The following CFHR4 variants were observed in gnomAD, a reference collection of about 807,000 sequenced individuals.
The protein encoded by CFHR4 is complement factor H related 4, also known as complement factor H-related protein 4.
CFHR4 carries 64 observed loss-of-function variants against 69.3 expected under a neutral mutation model. The observed-to-expected ratio is 0.92, with a 90% confidence interval of 0.76 to 1.14. CFHR4 has a LOEUF of 1.14. CFHR4 is among the 50% of genes most tolerant of loss of function. The pLI is 0.00. For synonymous variants in CFHR4, 244 were observed against 237.0 expected, an observed-to-expected ratio of 1.03 and a Z score of -0.27; for missense variants, 636 against 684.9, an observed-to-expected ratio of 0.93 and a Z score of 0.80.
rs188816076 is a variant in CFHR4, at chr1:196,894,017, G to A, written c.58+5809G>A. Among the ~76,000 whole-genome samples the A allele has an allele frequency of 2.6e-4, 39 of 151,502 alleles. No homozygotes were observed. In the East Asian group the frequency reaches 4.8e-3, roughly 19 times the overall value. On this transcript the variant is annotated intron_variant, in intron 1 of 9. Transcript: ENST00000608469. ...TCCAATGGTTTCTTAAAATTCCTCC[G>A]AAGCTGAATATTAACTCTCATTTAC... is the stretch of plus-strand genomic sequence containing the variant.
chr1:196,910,554 C>A, intron 6 of CFHR4, 76 bp downstream of exon 6: 1 of 1,238,392 alleles, frequency 8.1e-7, no homozygotes, highest in Non-Finnish European at 1.2e-6. Context: ...CAAATGATTA[C>A]ATTGTCTTAT....
intron 2 of CFHR4, among the ~76,000 whole-genome samples, chr1:196,904,819 T>C (rs1227545559): frequency 6.6e-6 from 1 of 151,626 alleles, no homozygotes; most frequent in African/African-American, 2.4e-5. Context: ...CCAGAAACTC[T>C]TCCAAATAAT....
chr1:196,899,376 C>A (rs142290589), intron 1 of CFHR4, among the ~76,000 whole-genome samples: 9 of 151,654 alleles, frequency 5.9e-5, no homozygotes, highest in South Asian at 2.1e-4. Flanking sequence ...TCGCTGCAAT[C>A]TTGACCTCCT....
intron 2 of CFHR4, among the ~76,000 whole-genome samples, chr1:196,904,689 T>C (rs1657812570): frequency 6.6e-6 from 1 of 151,584 alleles, no homozygotes; most frequent in Non-Finnish European, 1.5e-5. Flanking sequence ...GATTTACAAA[T>C]TTATTTCCTT....
At chr1:196,914,471 A>G in intron 7 of CFHR4, 24 bp from the exon 8 acceptor site, 1 of 1,598,010 alleles carries the variant, frequency 6.3e-7, no homozygotes, top group South Asian at 1.1e-5. Context: ...TAGAAAAGCA[A>G]TCCTCAATTT....
chr1:196,899,320 G>A (rs1657472315), intron 1 of CFHR4, among the ~76,000 whole-genome samples: 1 of 151,312 alleles, frequency 6.6e-6, no homozygotes, highest in Non-Finnish European at 1.5e-5. Flanking sequence ...TTTAAAACAA[G>A]GTCTTCCTCT....
intron 6 of CFHR4, among the ~76,000 whole-genome samples, chr1:196,912,470 G>T (rs1853883): frequency 6.6e-6 from 1 of 150,728 alleles, no homozygotes; most frequent in Non-Finnish European, 1.5e-5. Flanking sequence ...TCTGCTAGAT[G>T]TGCATTCCTT....
In CFHR4 at chr1:196,910,336, T is replaced by C; in HGVS notation, c.855T>C (p.Asn285=). 6.2e-7 allele frequency: 1 copy of C among 1,611,260 alleles called. No homozygotes were observed. The change falls in exon 6 of 10, where the codon AAT becomes AAC. Residue 285 remains asparagine (N), a synonymous_variant. Transcript: ENST00000608469. ...AACATGGACATCTATATTATGAGAA[T>C]ACGCGTAGACCATACTTTCCAGTAG... ...EIQHGHLYYE[N]TRRPYFPVAT...
At chr1:196,917,528 A>T (rs895578442) in intron 9 of CFHR4, among the ~76,000 whole-genome samples, 7 of 151,768 alleles carry the variant, frequency 4.6e-5, no homozygotes, top group Admixed American at 3.9e-4. Context: ...GAGATAGAGT[A>T]ATTTGTCCAT....
At chr1:196,897,874 G>A (rs1657398095) in intron 1 of CFHR4, among the ~76,000 whole-genome samples, 1 of 151,252 alleles carries the variant, frequency 6.6e-6, no homozygotes, top group South Asian at 2.1e-4. Flanking sequence ...CTTTGACAGG[G>A]AATCGCCCTC....
At chr1:196,894,462 T>G (rs1657186874) in intron 1 of CFHR4, among the ~76,000 whole-genome samples, 1 of 151,574 alleles carries the variant, frequency 6.6e-6, no homozygotes, top group Non-Finnish European at 1.5e-5. Context: ...CCTTCAGGAC[T>G]CTATTAGACA....
At chr1:196,907,125 CATAT>C in intron 4 of CFHR4, 88 bp downstream of exon 4, 1 of 1,250,860 alleles carries the variant, frequency 8.0e-7, no homozygotes, top group Admixed American at 2.3e-5. Context: ...TGTATGAATA[CATAT>C]GTGTACATAT....
chr1:196,914,635 G>C lies in CFHR4; in HGVS notation c.1321G>C (p.Gly441Arg). 1 of 1,606,770 alleles carries C rather than the reference G, an allele frequency of 6.2e-7. No homozygotes were observed. Among genetic ancestry groups the C allele is most frequent in the Non-Finnish European group, 8.5e-7 (1 of 1,177,606 alleles). ...AAACACCACAGGTTCCATAGTGTGTGGTGAAGATGGGTGGTCCCATTTCCC... is the reference window on the plus strand; with the variant it reads ...AAACACCACAGGTTCCATAGTGTGTCGTGAAGATGGGTGGTCCCATTTCCC... The part of the protein sequence containing the change: ...YGNTTGSIVC[G>R]EDGWSHFPTC... Residue 441 changes from glycine to arginine, a missense_variant, in exon 8 of 10, where the codon GGT (glycine) becomes CGT (arginine). Gly to Arg is a moderately radical substitution (Grantham distance 125, BLOSUM62 -2). Around this residue, in one of 3 missense-constraint regions of CFHR4, gnomAD observed 529 missense variants for 533.2 expected, o/e 0.99. Transcript: ENST00000608469.
chr1:196,913,230 T>C (rs1227428504), intron 7 of CFHR4, among the ~76,000 whole-genome samples: 1 of 151,528 alleles, frequency 6.6e-6, no homozygotes, highest in Non-Finnish European at 1.5e-5. Flanking sequence ...CATTAAAAAC[T>C]TCGTTGTTTT....
chr1:196,899,575 C>A (rs2124945265), intron 1 of CFHR4, among the ~76,000 whole-genome samples: 1 of 151,616 alleles, frequency 6.6e-6, no homozygotes, highest in African/African-American at 2.4e-5. Context: ...GATTATCGTG[C>A]CCAAACCCAG....
chr1:196,898,756 C>G (rs1657442596), intron 1 of CFHR4, among the ~76,000 whole-genome samples: 2 of 151,464 alleles, frequency 1.3e-5, no homozygotes, highest in Non-Finnish European at 2.9e-5. Context: ...TCTCCTGTGT[C>G]GTTGCCAAGG....
chr1:196,911,753 A>T (rs375778805), intron 6 of CFHR4, among the ~76,000 whole-genome samples: 1 of 151,564 alleles, frequency 6.6e-6, no homozygotes, highest in Admixed American at 6.6e-5. Flanking sequence ...TTCTCCTGCC[A>T]TAGGCACCAA....
rs559267833 is a variant in CFHR4 at position 196,891,142 on chromosome 1, C to T, written c.58+2934C>T. ...TGGCAAACACGTGTAATTTCAGCTA[C>T]TCAGGAGCCTGAGGCAGGAGAATCA... On this transcript the variant is annotated intron_variant, in intron 1 of 9. Coordinates refer to ENST00000608469, the MANE Select transcript of CFHR4 (RefSeq NM_001201550.3). Among the ~76,000 whole-genome samples the T allele has an allele frequency of 1.7e-4, 26 of 151,404 alleles. 3 individuals carry two copies. Among genetic ancestry groups the T allele is most frequent in the African/African-American group, 6.3e-4 (26 of 41,104 alleles).
chr1:196,888,136 C>T lies in CFHR4; in HGVS notation c.-15C>T. On this transcript the variant is annotated 5_prime_UTR_variant, in exon 1 of 10. Transcript: ENST00000608469. ...CTGAAACTTTTGCATTACTATACTA[C>T]TGAGAATATCTAACATGTTGTTACT... 1 of 1,609,560 alleles carries T rather than the reference C, an allele frequency of 6.2e-7. No individual in the cohort carries two copies. Among genetic ancestry groups the T allele is most frequent in the Non-Finnish European group, 8.5e-7 (1 of 1,177,260 alleles).
Sources: allele counts gnomAD v4.1 joint callset (sites outside exome capture counted in the v4.1 genomes callset), GRCh38; gene constraint gnomAD v4.1.1; regional missense constraint gnomAD v4.1.1; transcripts MANE v1.5; gene names NCBI Gene and HGNC (gene_info 2026-07-23, HGNC 2026-07-21).